IRAK1BP1: variants seen among roughly 807,000 people sequenced by gnomAD.
IRAK1BP1 encodes interleukin-1 receptor-associated kinase 1-binding protein 1.
A neutral mutation model predicts 28.0 loss-of-function variants in IRAK1BP1; 24 were observed. The ratio of observed to expected loss-of-function variants is 0.86; its 90% CI spans 0.62 to 1.20. IRAK1BP1 has a LOEUF of 1.20. Among genes scored for constraint, IRAK1BP1 ranks in the 50% most tolerant of loss-of-function variants. The pLI is 0.00. For missense variants in IRAK1BP1, 336 were observed against 316.7 expected (o/e 1.06, Z -0.46); for synonymous variants, 131 against 116.3 (o/e 1.13, Z -0.81).
chr6:78,945,394 G>A, intron 4 of IRAK1BP1: 1 of 1,612,840 alleles, frequency 6.2e-7, no homozygotes, highest in Non-Finnish European at 8.5e-7. Flanking sequence ...CCTTTTCCAT[G>A]TTTTCTTTTG....
downstream of IRAK1BP1, among the ~76,000 whole-genome samples, chr6:78,949,744 A>G (rs1417628531): frequency 6.6e-6 from 1 of 151,774 alleles, no homozygotes; most frequent in Non-Finnish European, 1.5e-5. Flanking sequence ...GCTAGAGTTC[A>G]GTGGTATCAT....
the IRAK1BP1 span, among the ~76,000 whole-genome samples, chr6:78,968,078 T>C: frequency 6.6e-6 from 1 of 152,030 alleles, no homozygotes; most frequent in African/African-American, 2.4e-5. Context: ...GAACTTGCAG[T>C]GAGCCAAGAT....
At position 78,873,483 on chromosome 6, in the gene IRAK1BP1, CT is replaced by C. The variant is rs368692772; in HGVS notation, c.315+5603del. Among the ~76,000 whole-genome samples the C allele has an allele frequency of 6.3e-3, 915 of 146,228 alleles. 8 individuals carry two copies. The highest frequency in any genetic ancestry group is 9.5e-3 in the Admixed American group (138 of 14,594). ...TCTTCTCAAGCATAAAGCTATATAA[CT>C]TTTTTTTTTTAAACACAGGGTCTCA... On this transcript the variant is annotated intron_variant, in intron 1 of 3. Coordinates refer to ENST00000369940, the MANE Select transcript of IRAK1BP1 (RefSeq NM_001010844.4).
the IRAK1BP1 span, among the ~76,000 whole-genome samples, chr6:78,961,202 T>C: frequency 6.6e-6 from 1 of 152,048 alleles, no homozygotes; most frequent in African/African-American, 2.4e-5. Flanking sequence ...ACTACAACTA[T>C]GAAAAACTGA....
the IRAK1BP1 span, among the ~76,000 whole-genome samples, chr6:78,966,328 T>G: frequency 1.3e-5 from 2 of 152,206 alleles, no homozygotes; most frequent in Admixed American, 1.3e-4. Flanking sequence ...TTAGGCATTT[T>G]TACCAATCTA....
intron 2 of IRAK1BP1, among the ~76,000 whole-genome samples, chr6:78,896,331 GA>G (rs35774009): frequency 0.11 from 10,369 of 92,958 alleles, 441 homozygotes; most frequent in African/African-American, 0.17. Context: ...AACCTAAATG[GA>G]AAAAAAAAAA....
intron 2 of IRAK1BP1, among the ~76,000 whole-genome samples, chr6:78,886,268 CATATA>C (rs1647341416): frequency 6.6e-6 from 1 of 152,050 alleles, no homozygotes; most frequent in Admixed American, 6.6e-5. Context: ...TCTCAAAGGT[CATATA>C]ACAAGAATTA....
At chr6:78,970,759 A>G in the IRAK1BP1 span, 1 of 1,440,918 alleles carries the variant, frequency 6.9e-7, no homozygotes, top group East Asian at 2.3e-5. Context: ...TGGGGCTATT[A>G]AATAATAAAT....
intron 1 of IRAK1BP1, among the ~76,000 whole-genome samples, chr6:78,875,762 A>G (rs949016596): frequency 6.6e-5 from 10 of 152,172 alleles, no homozygotes; most frequent in African/African-American, 2.4e-4. Flanking sequence ...GTAACCACGT[A>G]GTGTTTCCTA....
downstream of IRAK1BP1, among the ~76,000 whole-genome samples, chr6:78,905,146 TA>T (rs1192299652): frequency 6.6e-6 from 1 of 152,192 alleles, no homozygotes; most frequent in Non-Finnish European, 1.5e-5. Flanking sequence ...ATTCAATTAT[TA>T]AATACTTGAA....
the IRAK1BP1 span, among the ~76,000 whole-genome samples, chr6:78,977,538 G>A: frequency 6.6e-6 from 1 of 151,864 alleles, no homozygotes; most frequent in Non-Finnish European, 1.5e-5. Flanking sequence ...TACCATTATT[G>A]CTCCAGTTGT....
chr6:78,941,188 C>A, intron 4 of IRAK1BP1: 1 of 1,613,994 alleles, frequency 6.2e-7, no homozygotes, highest in Non-Finnish European at 8.5e-7. Flanking sequence ...TACCCCTTTT[C>A]TTGTGTATAA....
the IRAK1BP1 span, among the ~76,000 whole-genome samples, chr6:78,954,200 C>T: frequency 3.9e-5 from 6 of 152,196 alleles, no homozygotes; most frequent in African/African-American, 1.4e-4. Context: ...CTCCCGGGTT[C>T]ACGCCATTCT....
chr6:78,961,355 A>C, the IRAK1BP1 span, among the ~76,000 whole-genome samples: 1 of 152,024 alleles, frequency 6.6e-6, no homozygotes, highest in East Asian at 1.9e-4. Context: ...ATCTAGGAGA[A>C]AATGAAATAC....
At position 78,893,460 on chromosome 6, in the gene IRAK1BP1, A is replaced by C. The variant is rs548645743; in HGVS notation, c.382-4369A>C. 8.6e-5 allele frequency among the ~76,000 whole-genome samples: 13 copies of C among 151,742 alleles called. No individual in the cohort carries two copies. The South Asian group carries it at 2.7e-3, about 32-fold the overall frequency. On this transcript the variant is annotated intron_variant, in intron 2 of 3. Transcript: ENST00000369940. ...AATTCATTACCTGTAGACCTACACT[A>C]TGAGAAATTTAAATGACATCATTTA...
chr6:78,955,932 G>A, the IRAK1BP1 span: 1 of 251,664 alleles, frequency 4.0e-6, no homozygotes, highest in Non-Finnish European at 7.5e-6. Flanking sequence ...TCTTTGCTTA[G>A]GTATCTGCTG....
At chr6:78,886,473 G>A (rs1477433381) in intron 2 of IRAK1BP1, among the ~76,000 whole-genome samples, 3 of 152,024 alleles carry the variant, frequency 2.0e-5, no homozygotes, top group Non-Finnish European at 4.4e-5. Flanking sequence ...GTAGTAGTAG[G>A]AACTGAAAAA....
chr6:78,890,870 C>A (rs1771627310), intron 2 of IRAK1BP1, among the ~76,000 whole-genome samples: 1 of 152,204 alleles, frequency 6.6e-6, no homozygotes, highest in African/African-American at 2.4e-5. Flanking sequence ...TGGCCAGGAT[C>A]TGATGGATTA....
intron 4 of IRAK1BP1, chr6:78,935,407 A>C (rs1773237662): frequency 2.7e-6 from 2 of 738,092 alleles, no homozygotes. Flanking sequence ...CCAATCTGAC[A>C]AAATTTCTAG....
Sources: allele counts gnomAD v4.1 joint callset (sites outside exome capture counted in the v4.1 genomes callset), GRCh38; gene constraint gnomAD v4.1.1; transcripts MANE v1.5; gene names NCBI Gene and HGNC (gene_info 2026-07-23, HGNC 2026-07-21).